Variants in CTTNBP2 observed in about 807,000 individuals in gnomAD.
CTTNBP2 encodes the protein cortactin-binding protein 2.
Under a neutral mutation model 156.9 loss-of-function variants are expected in CTTNBP2, and 108 were observed. The ratio of observed to expected loss-of-function variants is 0.69; its 90% confidence interval spans 0.59 to 0.81. The LOEUF (loss-of-function observed/expected upper bound fraction) is 0.81. CTTNBP2 is among the 30% of genes least tolerant of loss of function. CTTNBP2 has a pLI of 0.00. For synonymous variants in CTTNBP2, 767 were observed against 751.8 expected, an observed-to-expected ratio of 1.02 and a Z score of -0.33; for missense variants, 1,924 against 2,035.4, an observed-to-expected ratio of 0.95 and a Z score of 1.05.
chr7:117,718,142 G>A lies in CTTNBP2; in HGVS notation c.4645-23C>T, dbSNP rs372307695. 1.3e-4 allele frequency: 199 copies of A among 1,477,058 alleles called. 1 individual carries two copies. The East Asian group carries it at 1.7e-3, about 13-fold the overall frequency. The allele number at this position is 1,477,058 out of a possible 1,614,324, so 91.5% of individuals were successfully genotyped here. A position where few individuals can be genotyped will look rare whatever the true frequency, so the allele number is the denominator to read the frequency against. ...AATCTAGAAAATACAGAATTTGCCC[G>A]GTCATGTCTCCACAGTCACACTGTG... On this transcript the variant is annotated intron_variant, in intron 21 of 22. Coordinates refer to ENST00000160373, the MANE Select transcript of CTTNBP2 (RefSeq NM_033427.3).
At chr7:117,825,652 A>G (rs976401965) in intron 2 of CTTNBP2, among the ~76,000 whole-genome samples, 5 of 152,190 alleles carry the variant, frequency 3.3e-5, no homozygotes, top group African/African-American at 1.2e-4. Context: ...TGTCGCTTCA[A>G]AGTTATGCAA....
At chr7:117,815,940 A>C (rs1800550405) in intron 2 of CTTNBP2, among the ~76,000 whole-genome samples, 1 of 152,204 alleles carries the variant, frequency 6.6e-6, no homozygotes, top group Non-Finnish European at 1.5e-5. Flanking sequence ...CATCCAACCC[A>C]CTACAGGGCA....
At chr7:117,854,710 G>A (rs1019433459) in intron 2 of CTTNBP2, among the ~76,000 whole-genome samples, 1 of 152,122 alleles carries the variant, frequency 6.6e-6, no homozygotes, top group Admixed American at 6.5e-5. Flanking sequence ...GAAAATCACT[G>A]CATCATTATG....
At chr7:117,808,490 T>C (rs1563028333) in intron 3 of CTTNBP2, among the ~76,000 whole-genome samples, 1 of 152,182 alleles carries the variant, frequency 6.6e-6, no homozygotes, top group South Asian at 2.1e-4. Flanking sequence ...CGCCTATTCG[T>C]AGTCGCAGCA....
intron 12 of CTTNBP2, among the ~76,000 whole-genome samples, 187 bp from the exon 13 acceptor site, chr7:117,746,286 G>A (rs1052254522): frequency 6.6e-6 from 1 of 152,140 alleles, no homozygotes; most frequent in African/African-American, 2.4e-5. Flanking sequence ...ATGGGCAAAG[G>A]GTACTTAGCA....
At chr7:117,740,865 A>C (rs1795971501) in intron 14 of CTTNBP2, among the ~76,000 whole-genome samples, 1 of 152,082 alleles carries the variant, frequency 6.6e-6, no homozygotes, top group Non-Finnish European at 1.5e-5. Context: ...TGTTGATTCT[A>C]ATTCTCCTCT....
chr7:117,815,697 C>T (rs1304890577), intron 2 of CTTNBP2, among the ~76,000 whole-genome samples: 1 of 152,108 alleles, frequency 6.6e-6, no homozygotes, highest in Admixed American at 6.5e-5. Flanking sequence ...TGTGAAATGG[C>T]AGATTTTTGA....
At chr7:117,814,521 G>A (rs6945693) in intron 2 of CTTNBP2, among the ~76,000 whole-genome samples, 85,985 of 151,942 alleles carry the variant, frequency 0.57, 24,466 homozygotes, top group East Asian at 0.71. Context: ...GAACTCTCAG[G>A]CTTTAGTGAT....
intron 8 of CTTNBP2, among the ~76,000 whole-genome samples, chr7:117,770,373 T>C (rs1179089305): frequency 6.6e-6 from 1 of 152,060 alleles, no homozygotes; most frequent in Non-Finnish European, 1.5e-5. Flanking sequence ...CCCAGGAGAG[T>C]AGCACATAGC....
At chr7:117,840,167 A>G (rs1259931202) in intron 2 of CTTNBP2, among the ~76,000 whole-genome samples, 1 of 152,184 alleles carries the variant, frequency 6.6e-6, no homozygotes, top group Non-Finnish European at 1.5e-5. Flanking sequence ...AGTTTTAATG[A>G]ATCCATCGGC....
At chr7:117,837,112 T>C (rs926012807) in intron 2 of CTTNBP2, among the ~76,000 whole-genome samples, 24 of 152,334 alleles carry the variant, frequency 1.6e-4, no homozygotes, top group African/African-American at 3.6e-4. Context: ...TGAGTTCTGA[T>C]TGACATCATT....
At chr7:117,775,443 T>C (rs1004804927) in intron 8 of CTTNBP2, among the ~76,000 whole-genome samples, 1 of 151,642 alleles carries the variant, frequency 6.6e-6, no homozygotes, top group African/African-American at 2.4e-5. Context: ...AATAAAAGAT[T>C]CATAGTTAAG....
chr7:117,819,367 TCACACACACACACA>T (rs71529472), intron 2 of CTTNBP2, among the ~76,000 whole-genome samples: 14 of 130,704 alleles, frequency 1.1e-4, no homozygotes, highest in Admixed American at 2.6e-4. Flanking sequence ...TCTCTCTCTC[TCACACACACACACA>T]CACACACACA....
At chr7:117,782,267 T>C (rs1798474638) in intron 6 of CTTNBP2, among the ~76,000 whole-genome samples, 1 of 152,204 alleles carries the variant, frequency 6.6e-6, no homozygotes, top group African/African-American at 2.4e-5. Flanking sequence ...TAAAAAGTCA[T>C]GCCTATATCT....
intron 14 of CTTNBP2, among the ~76,000 whole-genome samples, chr7:117,738,107 G>A (rs1487258172): frequency 6.6e-6 from 1 of 152,232 alleles, no homozygotes; most frequent in African/African-American, 2.4e-5. Context: ...AAGGCAGGCT[G>A]CATCTTCATC....
intron 17 of CTTNBP2, among the ~76,000 whole-genome samples, chr7:117,726,889 A>G (rs891557988): frequency 2.6e-5 from 4 of 152,174 alleles, no homozygotes; most frequent in Non-Finnish European, 5.9e-5. Context: ...TCCCTAACTC[A>G]GCATCCTGAA....
At chr7:117,714,514 G>A (rs1328541881) in intron 22 of CTTNBP2, among the ~76,000 whole-genome samples, 1 of 152,114 alleles carries the variant, frequency 6.6e-6, no homozygotes, top group African/African-American at 2.4e-5. Flanking sequence ...CAAATCTACA[G>A]AGTTAATTAA....
intron 14 of CTTNBP2, among the ~76,000 whole-genome samples, chr7:117,736,085 T>C (rs1459964972): frequency 6.6e-6 from 1 of 152,256 alleles, no homozygotes; most frequent in Non-Finnish European, 1.5e-5. Context: ...TATTTTAGTA[T>C]ATCTATTTCA....
chr7:117,851,694 A>G (rs987904998), intron 2 of CTTNBP2, among the ~76,000 whole-genome samples: 1 of 152,150 alleles, frequency 6.6e-6, no homozygotes, highest in African/African-American at 2.4e-5. Context: ...TAGTTGTCCT[A>G]TCTACAGTCC....
Sources: gnomAD v4.1 joint callset for allele counts (sites outside exome capture counted in the v4.1 genomes callset) on GRCh38, gnomAD v4.1.1 for gene constraint, MANE v1.5 for transcripts, NCBI Gene and HGNC (gene_info 2026-07-23, HGNC 2026-07-21) for gene names.